The following ZRANB3 variants were observed in gnomAD, a reference collection of about 807,000 sequenced individuals.
The protein encoded by ZRANB3 is zinc finger RANBP2-type containing 3, also known as DNA annealing helicase and endonuclease ZRANB3.
In ZRANB3, 125 loss-of-function variants were observed where a neutral mutation model predicts 133.8. That is an observed-to-expected ratio of 0.93 (90% confidence interval 0.81 to 1.08). The LOEUF is 1.08. Ranked by LOEUF, ZRANB3 falls within the 50% of genes least tolerant of loss-of-function variation. The pLI is 0.00. For missense variants in ZRANB3, 1,229 were observed against 1,275.5 expected (o/e 0.96, Z 0.56); for synonymous variants, 387 against 432.7 (o/e 0.89, Z 1.31).
chr2:135,344,638 G>A (rs1194944668), intron 6 of ZRANB3, among the ~76,000 whole-genome samples: 2 of 152,186 alleles, frequency 1.3e-5, no homozygotes, highest in African/African-American at 4.8e-5. Context: ...TCAGGAGGCT[G>A]AGGCAGGAGA....
intron 3 of ZRANB3, among the ~76,000 whole-genome samples, chr2:135,378,374 T>A (rs1287981366): frequency 6.6e-6 from 1 of 151,836 alleles, no homozygotes; most frequent in African/African-American, 2.4e-5. Context: ...GTGCCTGTAA[T>A]CCCAACTACT....
At chr2:135,497,551 C>A (rs1265728949) in intron 2 of ZRANB3, among the ~76,000 whole-genome samples, 1 of 152,174 alleles carries the variant, frequency 6.6e-6, no homozygotes, top group Non-Finnish European at 1.5e-5. Flanking sequence ...TAGCCATCTG[C>A]AGTGAATAGC....
At chr2:135,488,964 A>G (rs1477963514) in intron 2 of ZRANB3, among the ~76,000 whole-genome samples, 2 of 152,040 alleles carry the variant, frequency 1.3e-5, no homozygotes, top group Non-Finnish European at 2.9e-5. Flanking sequence ...ATACAAAAAT[A>G]GTGTCATATC....
At chr2:135,396,073 C>T (rs1687475295) in intron 2 of ZRANB3, among the ~76,000 whole-genome samples, 1 of 152,106 alleles carries the variant, frequency 6.6e-6, no homozygotes, top group Non-Finnish European at 1.5e-5. Context: ...TGAAAATGTG[C>T]TCGACAGCAT....
At chr2:135,246,087 G>A (rs1180556245) in intron 12 of ZRANB3, among the ~76,000 whole-genome samples, 1 of 132,542 alleles carries the variant, frequency 7.5e-6, no homozygotes, top group African/African-American at 2.9e-5. Context: ...TGCTCAGGCT[G>A]GAGTGCAATG....
At chr2:135,426,863 A>T (rs1288599554) in intron 2 of ZRANB3, among the ~76,000 whole-genome samples, 9 of 15,534 alleles carry the variant, frequency 5.8e-4, no homozygotes, top group African/African-American at 7.9e-4. Context: ...AAAAAAAAAA[A>T]ATATATATAT....
At chr2:135,487,057 A>C (rs542833100) in intron 2 of ZRANB3, among the ~76,000 whole-genome samples, 6 of 152,242 alleles carry the variant, frequency 3.9e-5, no homozygotes, top group Non-Finnish European at 8.8e-5. Context: ...CCTGAAAGTC[A>C]AAATTACTCC....
At chr2:135,402,446 C>A (rs906614660) in intron 2 of ZRANB3, among the ~76,000 whole-genome samples, 1 of 151,952 alleles carries the variant, frequency 6.6e-6, no homozygotes, top group African/African-American at 2.4e-5. Context: ...AGGAGCCCAC[C>A]ACCACGTCCG....
chr2:135,229,667 G>A (rs1170929163), intron 13 of ZRANB3, among the ~76,000 whole-genome samples: 2 of 152,042 alleles, frequency 1.3e-5, no homozygotes, highest in African/African-American at 4.8e-5. Context: ...GCGCCCGGCC[G>A]CCAATATTTT....
In ZRANB3 at chr2:135,377,893, G is replaced by C. The variant is rs181516139; in HGVS notation, c.180+12909C>G. Among the ~76,000 whole-genome samples, 21 of 152,258 alleles carry C rather than the reference G, an allele frequency of 1.4e-4. 1 individual carries two copies. The highest frequency in any genetic ancestry group is 1.2e-3 in the Admixed American group (18 of 15,284). ...GCAGACCTACCCTTAATCTGGTTGG[G>C]CACAATATAATCAGCTGCCATGGTG... On this transcript the variant is annotated intron_variant, in intron 3 of 20. Transcript: ENST00000264159.
chr2:135,435,772 C>T (rs1348219058), intron 2 of ZRANB3, among the ~76,000 whole-genome samples: 1 of 152,092 alleles, frequency 6.6e-6, no homozygotes, highest in Non-Finnish European at 1.5e-5. Context: ...TGCTTGTTGG[C>T]CGTACGTATG....
chr2:135,329,434 C>A (rs1403597190), intron 6 of ZRANB3, among the ~76,000 whole-genome samples: 1 of 152,168 alleles, frequency 6.6e-6, no homozygotes, highest in African/African-American at 2.4e-5. Context: ...GTTTTGGTAC[C>A]AGTACCATGC....
chr2:135,344,914 C>T (rs937068592), intron 6 of ZRANB3, among the ~76,000 whole-genome samples: 2 of 152,084 alleles, frequency 1.3e-5, no homozygotes, highest in African/African-American at 4.8e-5. Context: ...ATCATACATG[C>T]TTGTTCACCC....
intron 20 of ZRANB3, among the ~76,000 whole-genome samples, chr2:135,200,774 G>A (rs1223906377): frequency 5.5e-5 from 3 of 54,412 alleles, no homozygotes; most frequent in Non-Finnish European, 1.1e-4. Flanking sequence ...TTTTTTTTTT[G>A]AGATGGAGTT....
chr2:135,498,785 A>C (rs75004674), intron 2 of ZRANB3, among the ~76,000 whole-genome samples: 15,964 of 152,190 alleles, frequency 0.1, 1,104 homozygotes, highest in South Asian at 0.32. Flanking sequence ...TTACGGTTGT[A>C]GATAAGGGAT....
chr2:135,323,795 A>G (rs1683659022), intron 6 of ZRANB3, among the ~76,000 whole-genome samples: 1 of 151,744 alleles, frequency 6.6e-6, no homozygotes, highest in African/African-American at 2.4e-5. Flanking sequence ...CCATCTCAGG[A>G]GAGCACTCCA....
intron 8 of ZRANB3, among the ~76,000 whole-genome samples, chr2:135,286,736 T>C (rs981464969): frequency 6.6e-6 from 1 of 152,180 alleles, no homozygotes; most frequent in Non-Finnish European, 1.5e-5. Context: ...TCTATTCATG[T>C]CCTTAGCCCA....
At chr2:135,391,597 T>C (rs1226142535) in intron 2 of ZRANB3, among the ~76,000 whole-genome samples, 2 of 151,382 alleles carry the variant, frequency 1.3e-5, no homozygotes, top group African/African-American at 2.4e-5. Flanking sequence ...TTTTTTTTTT[T>C]GAGACGGAGT....
intron 6 of ZRANB3, among the ~76,000 whole-genome samples, chr2:135,344,187 T>G (rs1438929185): frequency 2.6e-5 from 4 of 152,220 alleles, no homozygotes; most frequent in East Asian, 3.8e-4. Context: ...CCATTTTTTT[T>G]GAGCTGAAGA....
Sources: gnomAD v4.1 joint callset for allele counts (sites outside exome capture counted in the v4.1 genomes callset) on GRCh38, gnomAD v4.1.1 for gene constraint, MANE v1.5 for transcripts, NCBI Gene and HGNC (gene_info 2026-07-23, HGNC 2026-07-21) for gene names.